The following LRFN5 variants were observed in gnomAD, a reference collection of about 807,000 sequenced individuals.
LRFN5 encodes the protein leucine-rich repeat and fibronectin type-III domain-containing protein 5.
LRFN5 carries 24 observed loss-of-function variants against 45.6 expected under a neutral mutation model. The observed-to-expected ratio is 0.53, with a 90% confidence interval of 0.38 to 0.74. The LOEUF (loss-of-function observed/expected upper bound fraction) is 0.74. Ranked by LOEUF, LRFN5 falls within the 30% of genes least tolerant of loss-of-function variation. The pLI, the probability that LRFN5 is intolerant of heterozygous loss-of-function variation, is 0.00. For missense variants in LRFN5, 776 were observed against 861.5 expected (o/e 0.90, Z 1.24); for synonymous variants, 340 against 313.8 (o/e 1.08, Z -0.88).
At chr14:41,860,572 A>G (rs939601855) in intron 2 of LRFN5, among the ~76,000 whole-genome samples, 1 of 152,226 alleles carries the variant, frequency 6.6e-6, no homozygotes, top group Non-Finnish European at 1.5e-5. Flanking sequence ...GTCTCATAGC[A>G]TACTTCTATG....
At chr14:41,893,512 T>C in intron 4 of LRFN5, 2 of 984,760 alleles carry the variant, frequency 2.0e-6, no homozygotes, top group Non-Finnish European at 2.4e-6. Context: ...TCAAGTACTC[T>C]TTGGGAGTAA....
chr14:41,669,302 A>T (rs375646518), intron 1 of LRFN5, among the ~76,000 whole-genome samples: 4 of 152,078 alleles, frequency 2.6e-5, no homozygotes, highest in East Asian at 3.8e-4. Flanking sequence ...TCCAGAAAAA[A>T]AAAATTAAAG....
chr14:41,891,294 C>T lies in LRFN5; in HGVS notation c.1430C>T (p.Ala477Val). Residue 477 changes from alanine to valine, a missense_variant, in exon 4 of 6, where the codon GCT becomes GTT. Ala to Val is a moderately conservative substitution (Grantham distance 64). This residue lies in a region of LRFN5 where 465 missense variants were observed against 456.4 expected (regional missense o/e 1.02). Coordinates refer to ENST00000298119, the MANE Select transcript of LRFN5 (RefSeq NM_152447.5). Reference sequence around the variant, plus strand: ...AAAACTTTTCTGGTCAATAATCTGGCTGCTGGAACTATGTATGACTTGTGT... The same window carrying T: ...AAAACTTTTCTGGTCAATAATCTGGTTGCTGGAACTATGTATGACTTGTGT... Reference protein sequence around the residue: ...TSKTFLVNNLAAGTMYDLCVL... With the variant: ...TSKTFLVNNLVAGTMYDLCVL... 6.8e-6 allele frequency: 11 copies of T among 1,614,002 alleles called. No individual in the cohort carries two copies. Among genetic ancestry groups the T allele is most frequent in the African/African-American group, 1.3e-5 (1 of 75,012 alleles).
intron 1 of LRFN5, among the ~76,000 whole-genome samples, chr14:41,688,720 T>G (rs1039545178): frequency 6.6e-6 from 1 of 151,768 alleles, no homozygotes. Flanking sequence ...CCAAAATTTA[T>G]GAGATGCAGC....
At chr14:41,844,298 G>C (rs921354469) in intron 2 of LRFN5, among the ~76,000 whole-genome samples, 2 of 151,882 alleles carry the variant, frequency 1.3e-5, no homozygotes, top group East Asian at 3.9e-4. Context: ...TTAGCCAGGC[G>C]TGGTGGTGGG....
intron 2 of LRFN5, among the ~76,000 whole-genome samples, chr14:41,778,464 C>A (rs77577412): frequency 0.041 from 6,222 of 151,638 alleles, 170 homozygotes; most frequent in Middle Eastern, 0.058. Context: ...CAGTTTATTT[C>A]TTTGATTATC....
chr14:41,902,281 T>G (rs1213339857), intron 5 of LRFN5, among the ~76,000 whole-genome samples: 2 of 151,914 alleles, frequency 1.3e-5, no homozygotes, highest in Admixed American at 1.3e-4. Context: ...CTACTACAAC[T>G]TGATTATTTT....
intron 2 of LRFN5, among the ~76,000 whole-genome samples, chr14:41,853,754 A>G (rs968751537): frequency 6.6e-6 from 1 of 152,158 alleles, no homozygotes; most frequent in African/African-American, 2.4e-5. Flanking sequence ...ATTACTTTGA[A>G]TAAGAATATA....
At chr14:41,899,440 GC>G (rs1891039618) in intron 5 of LRFN5, among the ~76,000 whole-genome samples, 1 of 152,108 alleles carries the variant, frequency 6.6e-6, no homozygotes, top group Non-Finnish European at 1.5e-5. Flanking sequence ...TTAAAATGGA[GC>G]AAAAGACTAC....
intron 1 of LRFN5, among the ~76,000 whole-genome samples, chr14:41,650,879 C>A (rs1301852178): frequency 2.2e-5 from 2 of 89,818 alleles, no homozygotes; most frequent in Admixed American, 1.8e-4. Flanking sequence ...AACAAAGAGA[C>A]AGAGAAAGAG....
chr14:41,794,465 A>T (rs1449777060), intron 2 of LRFN5, among the ~76,000 whole-genome samples: 2 of 151,948 alleles, frequency 1.3e-5, no homozygotes, highest in Non-Finnish European at 2.9e-5. Flanking sequence ...TTTGTATTGC[A>T]TGTTTTACTA....
intron 2 of LRFN5, among the ~76,000 whole-genome samples, chr14:41,791,746 C>G (rs1201202650): frequency 1.3e-5 from 2 of 152,192 alleles, no homozygotes; most frequent in African/African-American, 4.8e-5. Flanking sequence ...TTAATCTCAA[C>G]TTTCAGGTAA....
chr14:41,784,338 T>G (rs1886641279), intron 2 of LRFN5, among the ~76,000 whole-genome samples: 1 of 152,084 alleles, frequency 6.6e-6, no homozygotes, highest in Non-Finnish European at 1.5e-5. Context: ...CCTCCAACAT[T>G]GTTGTATTTC....
At chr14:41,857,848 G>C (rs1889525069) in intron 2 of LRFN5, among the ~76,000 whole-genome samples, 1 of 152,148 alleles carries the variant, frequency 6.6e-6, no homozygotes, top group African/African-American at 2.4e-5. Flanking sequence ...CATTTATGCT[G>C]AAACTTGAAG....
intron 2 of LRFN5, among the ~76,000 whole-genome samples, chr14:41,787,507 T>C (rs1332149520): frequency 8.8e-6 from 1 of 113,724 alleles, no homozygotes; most frequent in Non-Finnish European, 1.9e-5. Flanking sequence ...AGCACTTTTT[T>C]TGTCTTTTTT....
intron 4 of LRFN5, chr14:41,892,908 G>T: frequency 1.0e-6 from 1 of 985,056 alleles, no homozygotes; most frequent in Non-Finnish European, 1.2e-6. Flanking sequence ...TGAGTTTTAT[G>T]TTGTTCTTAA....
chr14:41,660,367 A>G (rs1193681043), intron 1 of LRFN5, among the ~76,000 whole-genome samples: 1 of 151,866 alleles, frequency 6.6e-6, no homozygotes, highest in South Asian at 2.1e-4. Context: ...TTCTATTTCA[A>G]CCCCAAACCC....
At chr14:41,797,568 A>G (rs1887175625) in intron 2 of LRFN5, among the ~76,000 whole-genome samples, 1 of 151,656 alleles carries the variant, frequency 6.6e-6, no homozygotes, top group South Asian at 2.1e-4. Flanking sequence ...TAGCTAAATT[A>G]GTATTTTTTC....
At chr14:41,673,510 G>A (rs1202329769) in intron 1 of LRFN5, among the ~76,000 whole-genome samples, 1 of 144,758 alleles carries the variant, frequency 6.9e-6, no homozygotes, top group African/African-American at 2.6e-5. Flanking sequence ...TCACTTCCCA[G>A]TAGGGGCGGC....
Sources: gnomAD v4.1 joint callset for allele counts (sites outside exome capture counted in the v4.1 genomes callset) on GRCh38, gnomAD v4.1.1 for gene constraint, gnomAD v4.1.1 regional missense constraint, MANE v1.5 for transcripts, NCBI Gene and HGNC (gene_info 2026-07-23, HGNC 2026-07-21) for gene names.